Variants in LSM14A observed in about 807,000 individuals in gnomAD.
The protein encoded by LSM14A is LSM14A mRNA processing body assembly factor.
LSM14A carries 14 observed loss-of-function variants against 52.4 expected under a neutral mutation model. The ratio of observed to expected loss-of-function variants is 0.27; its 90% CI spans 0.18 to 0.42. The LOEUF (loss-of-function observed/expected upper bound fraction) is 0.42. Among genes scored for constraint, LSM14A ranks in the 10% least tolerant of loss-of-function variants. The pLI, the probability that LSM14A is intolerant of heterozygous loss-of-function variation, is 1.00. For synonymous variants in LSM14A, 185 were observed against 200.3 expected (o/e 0.92, Z 0.64); for missense variants, 417 against 581.8 (o/e 0.72, Z 2.91).
intron 1 of LSM14A, among the ~76,000 whole-genome samples, chr19:34,175,855 G>GTTTTTT (rs141249058): frequency 6.6e-6 from 1 of 150,754 alleles, no homozygotes; most frequent in African/African-American, 2.4e-5. Flanking sequence ...TTTTGTTTTC[G>GTTTTTT]TTTTTTTTTG....
intron 4 of LSM14A, among the ~76,000 whole-genome samples, chr19:34,211,083 G>A (rs1319067923): frequency 3.3e-5 from 5 of 151,662 alleles, no homozygotes; most frequent in African/African-American, 7.2e-5. Context: ...CAGGCGGATC[G>A]CCTGAGGTCA....
chr19:34,228,514 T>C lies in LSM14A; in HGVS notation c.*1126T>C, dbSNP rs773659631. On this transcript the variant is annotated 3_prime_UTR_variant, in exon 10 of 10. Coordinates refer to ENST00000544216, the MANE Select transcript of LSM14A (RefSeq NM_015578.4). ...CATCATATTTCAAGAGGATTCAGAG[T>C]GCTAGAAATTATTTTGGTAGCCTGT... 1 of 152,560 alleles carries C rather than the reference T, an allele frequency of 6.6e-6. No individual in the cohort carries two copies. Among genetic ancestry groups the C allele is most frequent in the African/African-American group, 2.4e-5 (1 of 41,404 alleles). 9.5% of individuals were successfully genotyped at this position (152,560 alleles called of 1,614,324 possible).
At chr19:34,173,303 C>A (rs1431865665) in intron 1 of LSM14A, among the ~76,000 whole-genome samples, 1 of 152,190 alleles carries the variant, frequency 6.6e-6, no homozygotes, top group Non-Finnish European at 1.5e-5. Context: ...TGGAGCAGAT[C>A]CCATCTCCCT....
At chr19:34,216,760 G>A (rs1371770659) in intron 6 of LSM14A, among the ~76,000 whole-genome samples, 1 of 152,158 alleles carries the variant, frequency 6.6e-6, no homozygotes, top group Non-Finnish European at 1.5e-5. Flanking sequence ...ACCCAGCCAG[G>A]CAGTTATCTT....
chr19:34,228,092 G>C lies in LSM14A; in HGVS notation c.*704G>C, dbSNP rs1319561159. 1 of 152,554 alleles carries C rather than the reference G, an allele frequency of 6.6e-6. No homozygotes were observed. The highest frequency in any genetic ancestry group is 1.5e-5 in the Non-Finnish European group (1 of 68,038). The allele number at this position is 152,554 out of a possible 1,614,324, so 9.5% of individuals were successfully genotyped here. On this transcript the variant is annotated 3_prime_UTR_variant, in exon 10 of 10. Coordinates refer to ENST00000544216, the MANE Select transcript of LSM14A (RefSeq NM_015578.4). ...TTAAAGAATAAACATTTTAAAGTCA[G>C]CAAACATACTGTGTCCTTGCAGAAG...
intron 3 of LSM14A, among the ~76,000 whole-genome samples, chr19:34,205,512 A>AAAAG (rs2071628446): frequency 7.5e-6 from 1 of 133,900 alleles, no homozygotes; most frequent in Non-Finnish European, 1.6e-5. Context: ...AAAAAAAAAA[A>AAAAG]AAAAATACTA....
At chr19:34,209,120 A>G in intron 4 of LSM14A, 69 bp downstream of exon 4, 1 of 1,370,120 alleles carries the variant, frequency 7.3e-7, no homozygotes, top group Non-Finnish European at 9.9e-7. Context: ...TTCTGAATGT[A>G]AGAGCTTTTG....
intron 1 of LSM14A, among the ~76,000 whole-genome samples, chr19:34,186,513 T>G (rs1025077228): frequency 2.0e-5 from 3 of 152,200 alleles, no homozygotes; most frequent in African/African-American, 7.2e-5. Context: ...CCAGGCCTCC[T>G]TAATCCCTTG....
intron 1 of LSM14A, among the ~76,000 whole-genome samples, chr19:34,180,458 C>A (rs1024831726): frequency 6.6e-6 from 1 of 152,154 alleles, no homozygotes; most frequent in Non-Finnish European, 1.5e-5. Flanking sequence ...CTTTCAGAGT[C>A]ATTCTGATAA....
chr19:34,192,310 C>CTTTTTTTTTTTTTTTTTTTTT (rs1568479681), intron 1 of LSM14A, among the ~76,000 whole-genome samples: 3 of 51,662 alleles, frequency 5.8e-5, no homozygotes, highest in Non-Finnish European at 8.3e-5. Context: ...AAATAACATT[C>CTTTTTTTTTTTTTTTTTTTTT]TTTTTGTTGT....
chr19:34,183,434 C>T (rs1306894447), intron 1 of LSM14A, among the ~76,000 whole-genome samples: 1 of 151,990 alleles, frequency 6.6e-6, no homozygotes, highest in African/African-American at 2.4e-5. Flanking sequence ...ACCTGTAATC[C>T]CAGCTACTTG....
chr19:34,199,582 A>T (rs147931407), intron 3 of LSM14A, among the ~76,000 whole-genome samples: 54 of 152,262 alleles, frequency 3.5e-4, no homozygotes, highest in African/African-American at 1.3e-3. Context: ...GCTGAATGTA[A>T]ATAGATGGTA....
rs1317631861 is a variant in LSM14A at position 34,208,972 on chromosome 19, T to C, written c.459T>C (p.Ser153=). 1 of 1,611,678 alleles carries C rather than the reference T, an allele frequency of 6.2e-7. No homozygotes were observed. Among genetic ancestry groups the C allele is most frequent in the Non-Finnish European group, 8.5e-7 (1 of 1,178,428 alleles). Reference sequence around the variant, plus strand: ...CCTTTGGAACAGAAACATCAAACAGTGGTACCTTACCCCAAAGTAGTGCGG... The same window carrying C: ...CCTTTGGAACAGAAACATCAAACAGCGGTACCTTACCCCAAAGTAGTGCGG... ...LTSFGTETSN[S]GTLPQSSAVG... The change falls in exon 4 of 10, where the codon AGT becomes AGC. Residue 153 remains serine, a synonymous_variant. Transcript: ENST00000544216.
intron 3 of LSM14A, among the ~76,000 whole-genome samples, chr19:34,203,626 C>A (rs1267738228): frequency 1.3e-5 from 2 of 151,868 alleles, no homozygotes; most frequent in African/African-American, 4.8e-5. Context: ...ACAGTGAAAC[C>A]CTGTCTCTAC....
In LSM14A at chr19:34,196,568, A is replaced by G. The variant is rs1000673340; in HGVS notation, c.286-66A>G. On this transcript the variant is annotated intron_variant, in intron 2 of 9. Transcript: ENST00000544216. ...AGTTTTCTTAAAAGTAAAAATCTGGAATTTTTTTTTTCGTTATATACATGT... is the reference window on the plus strand; with the variant it reads ...AGTTTTCTTAAAAGTAAAAATCTGGGATTTTTTTTTTCGTTATATACATGT... 90 of 1,472,610 alleles carry G rather than the reference A, an allele frequency of 6.1e-5. No homozygotes were observed. In the Middle Eastern group the frequency reaches 1.7e-3, roughly 29 times the overall value. The allele number at this position is 1,472,610 out of a possible 1,614,324, so 91.2% of individuals were successfully genotyped here.
chr19:34,177,104 G>A (rs1265991926), intron 1 of LSM14A, among the ~76,000 whole-genome samples: 1 of 151,940 alleles, frequency 6.6e-6, no homozygotes, highest in African/African-American at 2.4e-5. Context: ...TTTTTAAATC[G>A]AAACACGTCT....
At chr19:34,209,320 T>C (rs2071957580) in intron 4 of LSM14A, among the ~76,000 whole-genome samples, 1 of 152,246 alleles carries the variant, frequency 6.6e-6, no homozygotes, top group Admixed American at 6.5e-5. Flanking sequence ...ATATAACTTG[T>C]ATGTAACACT....
chr19:34,226,373 CTCTTTTT>C, intron 9 of LSM14A: 2 of 1,282,720 alleles, frequency 1.6e-6, no homozygotes, highest in African/African-American at 3.3e-5. Flanking sequence ...CCATCTCTTT[CTCTTTTT>C]TTTTTTTTTT....
chr19:34,226,320 C>G, intron 9 of LSM14A: 23 of 1,193,450 alleles, frequency 1.9e-5, no homozygotes, highest in East Asian at 2.6e-5. Flanking sequence ...AATGCTCTCT[C>G]TCCTCTCCCC....
Sources: allele counts gnomAD v4.1 joint callset (sites outside exome capture counted in the v4.1 genomes callset), GRCh38; gene constraint gnomAD v4.1.1; transcripts MANE v1.5; gene names NCBI Gene and HGNC (gene_info 2026-07-23, HGNC 2026-07-21).